KALRN: variants seen among roughly 807,000 people sequenced by gnomAD.
The protein encoded by KALRN is kalirin RhoGEF kinase.
Under a neutral mutation model 353.7 loss-of-function variants are expected in KALRN, and 70 were observed. That is an observed-to-expected ratio of 0.20 (90% CI 0.16 to 0.24). The LOEUF is 0.24. Among genes scored for constraint, KALRN ranks in the 10% least tolerant of loss-of-function variants. The pLI is 1.00. For synonymous variants in KALRN, 1,391 were observed against 1,434.8 expected (o/e 0.97, Z 0.69); for missense variants, 2,791 against 3,756.7 (o/e 0.74, Z 6.72).
At chr3:124,324,960 G>A (rs546943739) in intron 6 of KALRN, among the ~76,000 whole-genome samples, 44 of 152,256 alleles carry the variant, frequency 2.9e-4, no homozygotes, top group African/African-American at 5.3e-4. Context: ...TGTGTGATTC[G>A]GAAAAGCTCC....
Position 124,694,520 on chromosome 3 carries a change from A to C in KALRN, c.7577+17A>C. 6.2e-7 allele frequency: 1 copy of C among 1,608,334 alleles called. No individual in the cohort carries two copies. The highest frequency in any genetic ancestry group is 1.1e-5 in the South Asian group (1 of 90,728). On this transcript the variant is annotated intron_variant, in intron 53 of 59. Coordinates refer to ENST00000682506, the MANE Select transcript of KALRN (RefSeq NM_001388419.1). The stretch of plus-strand genomic sequence containing the variant: ...CTCCTCTTGGTAAGCCGATTGCCCT[A>C]ACATCAGCAACAGCAGCCCCTTGCT...
At chr3:124,095,438 A>G (rs1469303703) in intron 1 of KALRN, among the ~76,000 whole-genome samples, 1 of 152,214 alleles carries the variant, frequency 6.6e-6, no homozygotes, top group Non-Finnish European at 1.5e-5. Context: ...TCATACATGT[A>G]AAATATATAA....
At chr3:124,288,895 TG>T (rs2076182711) in intron 5 of KALRN, among the ~76,000 whole-genome samples, 1 of 152,184 alleles carries the variant, frequency 6.6e-6, no homozygotes, top group African/African-American at 2.4e-5. Context: ...TTAGTAGTTT[TG>T]AGATGCTTGT....
intron 34 of KALRN, among the ~76,000 whole-genome samples, chr3:124,631,112 G>A (rs1056425084): frequency 1.3e-5 from 2 of 152,132 alleles, no homozygotes; most frequent in Non-Finnish European, 2.9e-5. Flanking sequence ...TCCACGTGCA[G>A]CCTCCAGAAC....
At chr3:124,584,607 C>T in intron 34 of KALRN, 10 of 1,396,016 alleles carry the variant, frequency 7.2e-6, no homozygotes, top group Non-Finnish European at 9.3e-6. Context: ...TGGAACTCCG[C>T]CCCTTAGGCC....
At chr3:124,517,006 C>T (rs546839417) in intron 33 of KALRN, among the ~76,000 whole-genome samples, 5 of 152,148 alleles carry the variant, frequency 3.3e-5, no homozygotes, top group African/African-American at 9.6e-5. Flanking sequence ...TTAGTAGAGA[C>T]GGGGTTTCAC....
At chr3:124,473,705 A>C (rs2061164760) in intron 25 of KALRN, among the ~76,000 whole-genome samples, 2 of 152,302 alleles carry the variant, frequency 1.3e-5, no homozygotes, top group Admixed American at 1.3e-4. Context: ...GTCACAGTTA[A>C]TACTCATGTA....
chr3:124,503,930 A>T (rs2064909740), intron 33 of KALRN, among the ~76,000 whole-genome samples: 1 of 152,228 alleles, frequency 6.6e-6, no homozygotes, highest in Admixed American at 6.5e-5. Context: ...TCCATAGCTT[A>T]AAAACCTCCC....
chr3:124,509,690 G>A (rs944885281), intron 33 of KALRN, among the ~76,000 whole-genome samples: 1 of 152,142 alleles, frequency 6.6e-6, no homozygotes, highest in African/African-American at 2.4e-5. Flanking sequence ...TACATTATAT[G>A]CAGGTAATAG....
Position 124,632,487 on chromosome 3 carries a change from G to A in KALRN, c.5250G>A (p.Gln1750=). The part of the protein sequence containing the change: ...KSESVANLQA[Q]PSLNSIHSSP... ...AGTCCGTGGCCAACCTGCAGGCCCA[G>A]CCCTCCCTGAACTCCATCCACAGTT... The change falls in exon 35 of 60, where the codon CAG becomes CAA. Residue 1750 remains glutamine (Q), a synonymous_variant. Transcript: ENST00000682506. 8 of 1,614,142 alleles carry A rather than the reference G, an allele frequency of 5.0e-6. No homozygotes were observed. Among genetic ancestry groups the A allele is most frequent in the Non-Finnish European group, 6.8e-6 (8 of 1,180,008 alleles).
rs34719064 is a variant in KALRN at position 124,267,499 on chromosome 3, C to T, written c.457-1244C>T. Among the ~76,000 whole-genome samples, 719 of 152,328 alleles carry T rather than the reference C, an allele frequency of 4.7e-3. 3 individuals carry two copies. The highest frequency in any genetic ancestry group is 0.014 in the Middle Eastern group (4 of 294). ...TTGCACATTAGAATCATCTGAGGGA[C>T]TCTTAAACCTACTGATGTCCAAGCT... is the stretch of plus-strand genomic sequence containing the variant. On this transcript the variant is annotated intron_variant, in intron 4 of 59. Transcript: ENST00000682506.
Position 124,400,135 on chromosome 3 carries a change from AT to A in KALRN, c.2346+1274del, listed in dbSNP as rs200343538. Reference sequence around the variant, plus strand: ...CTTCAATGGAACAGCTTTAGAAGGAATTTTTTTTTTAATATATCGAAAGCTC... The same window carrying A: ...CTTCAATGGAACAGCTTTAGAAGGAATTTTTTTTTAATATATCGAAAGCTC... On this transcript the variant is annotated intron_variant, in intron 13 of 59. Coordinates refer to ENST00000682506, the MANE Select transcript of KALRN (RefSeq NM_001388419.1). Among the ~76,000 whole-genome samples the A allele has an allele frequency of 2.2e-4, 33 of 150,626 alleles. No homozygotes were observed. In the East Asian group the frequency reaches 3.5e-3, roughly 16 times the overall value.
At chr3:124,356,073 A>T (rs1336722603) in intron 10 of KALRN, among the ~76,000 whole-genome samples, 1 of 151,652 alleles carries the variant, frequency 6.6e-6, no homozygotes, top group East Asian at 1.9e-4. Flanking sequence ...GCTTCTCTGA[A>T]CTCTACTTTC....
chr3:124,181,224 C>T (rs2073557097), intron 1 of KALRN, among the ~76,000 whole-genome samples: 1 of 152,044 alleles, frequency 6.6e-6, no homozygotes, highest in Admixed American at 6.6e-5. Context: ...GCACTCCAGC[C>T]TGGGCAATGG....
chr3:124,070,178 T>G (rs1211834607), intron 1 of KALRN, among the ~76,000 whole-genome samples: 1 of 152,206 alleles, frequency 6.6e-6, no homozygotes, highest in Non-Finnish European at 1.5e-5. Context: ...TCTCTAACGC[T>G]TATGGACAGA....
At chr3:124,065,292 G>GC (rs1191182325) in intron 1 of KALRN, among the ~76,000 whole-genome samples, 1 of 152,172 alleles carries the variant, frequency 6.6e-6, no homozygotes, top group Non-Finnish European at 1.5e-5. Context: ...GATGAGCCCG[G>GC]CCCTGTGCAA....
intron 25 of KALRN, among the ~76,000 whole-genome samples, chr3:124,464,325 G>C (rs1561027109): frequency 1.3e-5 from 2 of 152,284 alleles, no homozygotes; most frequent in South Asian, 4.1e-4. Flanking sequence ...CAGTTTATAA[G>C]GGGAATGAAT....
chr3:124,300,305 C>A (rs931733439), intron 6 of KALRN, among the ~76,000 whole-genome samples: 4 of 152,150 alleles, frequency 2.6e-5, no homozygotes, highest in African/African-American at 9.7e-5. Flanking sequence ...TAGAGATATG[C>A]CGAGTTAACC....
chr3:124,179,888 G>A (rs907595049), intron 1 of KALRN, among the ~76,000 whole-genome samples: 7 of 152,154 alleles, frequency 4.6e-5, no homozygotes, highest in African/African-American at 1.7e-4. Context: ...GTTTCGGACC[G>A]AGGCTGGCTG....
Sources: allele counts gnomAD v4.1 joint callset (sites outside exome capture counted in the v4.1 genomes callset), GRCh38; gene constraint gnomAD v4.1.1; transcripts MANE v1.5; gene names NCBI Gene and HGNC (gene_info 2026-07-23, HGNC 2026-07-21).